The following ZFAT variants were observed in gnomAD, a reference collection of about 807,000 sequenced individuals.
ZFAT encodes zinc finger and AT-hook domain containing.
ZFAT carries 64 observed loss-of-function variants against 117.7 expected under a neutral mutation model. The ratio of observed to expected loss-of-function variants is 0.54; its 90% confidence interval spans 0.44 to 0.67. ZFAT has a LOEUF of 0.67. ZFAT is among the 30% of genes least tolerant of loss of function. The pLI, the probability that ZFAT is intolerant of heterozygous loss-of-function variation, is 0.00. For synonymous variants in ZFAT, 679 were observed against 615.0 expected (o/e 1.10, Z -1.54); for missense variants, 1,433 against 1,584.5 (o/e 0.90, Z 1.62).
chr8:134,662,139 C>G (rs1296869556), intron 1 of ZFAT, among the ~76,000 whole-genome samples: 1 of 152,110 alleles, frequency 6.6e-6, no homozygotes, highest in Non-Finnish European at 1.5e-5. Context: ...ATAGCTGGTG[C>G]CTTCTTGCTG....
chr8:134,576,749 T>C (rs1825334566), intron 10 of ZFAT, among the ~76,000 whole-genome samples: 3 of 152,154 alleles, frequency 2.0e-5, no homozygotes, highest in South Asian at 2.1e-4. Context: ...TTATCATAAA[T>C]TGAAGAAGGG....
At chr8:134,700,068 G>T (rs1234952762) in intron 1 of ZFAT, among the ~76,000 whole-genome samples, 1 of 152,224 alleles carries the variant, frequency 6.6e-6, no homozygotes, top group Non-Finnish European at 1.5e-5. Flanking sequence ...ACGTGGGCTT[G>T]CTCAGCAAGA....
At chr8:134,721,294 T>C in the ZFAT span, among the ~76,000 whole-genome samples, 1 of 152,212 alleles carries the variant, frequency 6.6e-6, no homozygotes, top group Admixed American at 6.5e-5. Flanking sequence ...CCGGGCCCGA[T>C]GTGAAATGGT....
At chr8:134,688,154 T>C (rs1018300376) in intron 1 of ZFAT, among the ~76,000 whole-genome samples, 1 of 152,170 alleles carries the variant, frequency 6.6e-6, no homozygotes, top group Non-Finnish European at 1.5e-5. Context: ...AAGGGCTTTG[T>C]AGACTGCTAA....
At chr8:134,780,454 A>C in the ZFAT span, among the ~76,000 whole-genome samples, 1 of 152,288 alleles carries the variant, frequency 6.6e-6, no homozygotes, top group East Asian at 1.9e-4. Context: ...AGCCTCCCCT[A>C]CCTGCTCCTT....
At chr8:134,667,359 G>A (rs1298935997) in intron 1 of ZFAT, among the ~76,000 whole-genome samples, 1 of 151,976 alleles carries the variant, frequency 6.6e-6, no homozygotes. Flanking sequence ...CGGGCGTGGT[G>A]GCAGGCACCT....
chr8:134,771,669 A>G, the ZFAT span, among the ~76,000 whole-genome samples: 5,656 of 152,228 alleles, frequency 0.037, 349 homozygotes, highest in African/African-American at 0.13. Context: ...AACTGTTCCA[A>G]TCCCTGCCTA....
At chr8:134,543,347 C>T (rs1260509353) in intron 11 of ZFAT, among the ~76,000 whole-genome samples, 1 of 152,280 alleles carries the variant, frequency 6.6e-6, no homozygotes, top group Admixed American at 6.5e-5. Flanking sequence ...CTGCCCACAC[C>T]TCTCTGTGAT....
At chr8:134,644,899 A>G (rs1313216404) in intron 2 of ZFAT, among the ~76,000 whole-genome samples, 1 of 152,126 alleles carries the variant, frequency 6.6e-6, no homozygotes, top group Non-Finnish European at 1.5e-5. Context: ...GTGCCTATAT[A>G]CACAATCACA....
chr8:134,492,380 C>T (rs1292620151), intron 15 of ZFAT, among the ~76,000 whole-genome samples: 1 of 152,180 alleles, frequency 6.6e-6, no homozygotes, highest in Admixed American at 6.5e-5. Flanking sequence ...TCTATGGTCC[C>T]TTCCACTCAG....
the ZFAT span, among the ~76,000 whole-genome samples, chr8:134,753,730 AT>A: frequency 2.6e-5 from 4 of 152,366 alleles, no homozygotes; most frequent in Admixed American, 2.6e-4. Flanking sequence ...ATGAAGTAAA[AT>A]AAACAAAATA....
intron 1 of ZFAT, among the ~76,000 whole-genome samples, chr8:134,708,454 T>TA (rs1246350405): frequency 3.3e-5 from 5 of 152,286 alleles, no homozygotes; most frequent in Non-Finnish European, 7.4e-5. Context: ...AATATGTCGT[T>TA]ACAGTTTTTT....
At chr8:134,732,630 C>G in the ZFAT span, among the ~76,000 whole-genome samples, 1 of 152,182 alleles carries the variant, frequency 6.6e-6, no homozygotes, top group African/African-American at 2.4e-5. Flanking sequence ...TGTCTTGTGA[C>G]AATTTCCATT....
At chr8:134,761,322 T>G in the ZFAT span, among the ~76,000 whole-genome samples, 4 of 152,018 alleles carry the variant, frequency 2.6e-5, no homozygotes, top group Non-Finnish European at 4.4e-5. Context: ...TTGTGATACA[T>G]GCATCTAGAG....
chr8:134,657,081 A>C (rs1264144957), intron 2 of ZFAT, among the ~76,000 whole-genome samples: 1 of 152,208 alleles, frequency 6.6e-6, no homozygotes, highest in Non-Finnish European at 1.5e-5. Flanking sequence ...TTAATCATGT[A>C]CGTTAGAACA....
At chr8:134,487,832 G>A (rs1272664066) in intron 15 of ZFAT, among the ~76,000 whole-genome samples, 2 of 152,254 alleles carry the variant, frequency 1.3e-5, no homozygotes, top group Non-Finnish European at 2.9e-5. Flanking sequence ...AGCACTTCAT[G>A]CCGCTCTGAG....
At chr8:134,682,182 A>G (rs1298565444) in intron 1 of ZFAT, among the ~76,000 whole-genome samples, 2 of 152,242 alleles carry the variant, frequency 1.3e-5, no homozygotes, top group Non-Finnish European at 2.9e-5. Context: ...TAATTCTCAC[A>G]ACAATCCTGT....
intron 15 of ZFAT, among the ~76,000 whole-genome samples, chr8:134,495,820 C>T (rs546007549): frequency 3.9e-5 from 6 of 152,118 alleles, no homozygotes. Context: ...GTCCCAGCTA[C>T]TCTGGAGGCT....
At position 134,483,533 on chromosome 8, in the gene ZFAT, A is replaced by C. The variant is rs190727175; in HGVS notation, c.3493-4812T>G. 5.2e-3 allele frequency among the ~76,000 whole-genome samples: 788 copies of C among 152,330 alleles called. 3 individuals carry two copies. Among genetic ancestry groups the C allele is most frequent in the Non-Finnish European group, 9.4e-3 (641 of 68,026 alleles). On this transcript the variant is annotated intron_variant, in intron 15 of 15. Transcript: ENST00000377838. Reference sequence around the variant, plus strand: ...TCAAAATAATCACTCTAGTCGCTTAATCTATTAGCACAGGCTTAAAATTGT... The same window carrying C: ...TCAAAATAATCACTCTAGTCGCTTACTCTATTAGCACAGGCTTAAAATTGT...
Sources: allele counts gnomAD v4.1 joint callset (sites outside exome capture counted in the v4.1 genomes callset), GRCh38; gene constraint gnomAD v4.1.1; transcripts MANE v1.5; gene names NCBI Gene and HGNC (gene_info 2026-07-23, HGNC 2026-07-21).